TXLNB: variants seen among roughly 807,000 people sequenced by gnomAD.
TXLNB encodes the protein taxilin beta, also known as beta-taxilin.
Under a neutral mutation model 57.4 loss-of-function variants are expected in TXLNB, and 37 were observed. The observed-to-expected ratio is 0.64, with a 90% CI of 0.50 to 0.85. TXLNB has a LOEUF of 0.85. TXLNB is among the 40% of genes least tolerant of loss of function. The probability of loss-of-function intolerance (pLI) is 0.00; values close to 1 mark genes in which losing one functional copy is unlikely to be tolerated. For missense variants in TXLNB, 848 were observed against 825.6 expected, an observed-to-expected ratio of 1.03 and a Z score of -0.33; for synonymous variants, 302 against 309.6, an observed-to-expected ratio of 0.98 and a Z score of 0.26.
At chr6:139,276,524 G>C (rs1488361178) in intron 3 of TXLNB, among the ~76,000 whole-genome samples, 2 of 152,292 alleles carry the variant, frequency 1.3e-5, no homozygotes, top group East Asian at 3.9e-4. Flanking sequence ...ACTGGGATTG[G>C]GTGATATGGT....
chr6:139,292,080 G>GCA (rs754267593), upstream of TXLNB: 2,444 of 140,374 alleles, frequency 0.017, 50 homozygotes, highest in African/African-American at 0.061. This position sits in a 1 kb window ranked among gnomAD's most constrained non-coding sequence, Gnocchi z 4.0. Context: ...GTGCACGCAC[G>GCA]CGCGCGCACA....
At chr6:139,262,499 GT>G (rs755487706) in intron 5 of TXLNB, 79 bp downstream of exon 5, 91 of 1,290,256 alleles carry the variant, frequency 7.1e-5, no homozygotes, top group Non-Finnish European at 8.8e-5. Flanking sequence ...GGCTGTAACT[GT>G]CTTATTAACC....
At chr6:139,168,496 A>G in the TXLNB span, among the ~76,000 whole-genome samples, 1 of 149,816 alleles carries the variant, frequency 6.7e-6, no homozygotes, top group Non-Finnish European at 1.5e-5. Context: ...TTTCAAAGAC[A>G]TTTCCACATA....
chr6:139,217,878 A>AG, the TXLNB span, among the ~76,000 whole-genome samples: 1 of 151,974 alleles, frequency 6.6e-6, no homozygotes, highest in African/African-American at 2.4e-5. Flanking sequence ...AAAAAAAAAA[A>AG]AAAAAAAAAG....
chr6:139,253,953 G>A (rs1434093000), intron 7 of TXLNB, among the ~76,000 whole-genome samples: 1 of 152,090 alleles, frequency 6.6e-6, no homozygotes, highest in Non-Finnish European at 1.5e-5. Context: ...ATTCCTTGAG[G>A]TCACACCCCC....
chr6:139,243,519 G>A (rs965660615), intron 9 of TXLNB, among the ~76,000 whole-genome samples: 1 of 128,492 alleles, frequency 7.8e-6, no homozygotes, highest in Non-Finnish European at 1.6e-5. Context: ...TTGGCATTGT[G>A]TACTAGACTG....
chr6:139,167,301 A>G, the TXLNB span: 1 of 1,598,622 alleles, frequency 6.3e-7, no homozygotes, highest in Non-Finnish European at 8.6e-7. Context: ...GAGATCGAAT[A>G]TGATGTTCCT....
intron 2 of TXLNB, chr6:139,277,217 C>G (rs759722085): frequency 2.7e-5 from 7 of 260,980 alleles, no homozygotes; most frequent in African/African-American, 8.9e-5. Flanking sequence ...TATTTCTCCT[C>G]CCTGTATTCT....
chr6:139,242,584 G>A lies in TXLNB; in HGVS notation c.1997C>T (p.Ala666Val). The stretch of plus-strand genomic sequence containing the variant: ...GTTGCGCGGCTGGGGCCCAGCTGAG[G>A]CCCCTACTGGCAGCTCCTCTGCTGC... ...RAAAEELPVG[A>V]SAGPQPRNVA... Residue 666 changes from alanine (A) to valine (V), a missense_variant, in exon 10 of 10, where the codon GCC (alanine) becomes GTC (valine). By Grantham distance (64) the Ala-to-Val change is moderately conservative. Transcript: ENST00000358430. The A allele has an allele frequency of 6.5e-7, 1 of 1,536,778 alleles. No individual in the cohort carries two copies. The highest frequency in any genetic ancestry group is 8.7e-7 in the Non-Finnish European group (1 of 1,145,710).
chr6:139,210,953 C>T, the TXLNB span, among the ~76,000 whole-genome samples: 2 of 152,254 alleles, frequency 1.3e-5, no homozygotes, highest in African/African-American at 2.4e-5. Flanking sequence ...TGCCACTGCT[C>T]AGGCTTGAGT....
chr6:139,176,284 C>G, the TXLNB span, among the ~76,000 whole-genome samples: 1 of 152,168 alleles, frequency 6.6e-6, no homozygotes. This position sits in a 1 kb window ranked among gnomAD's most constrained non-coding sequence, Gnocchi z 4.5. Flanking sequence ...CTACCTACCT[C>G]CCAGGAGTAT....
the TXLNB span, among the ~76,000 whole-genome samples, chr6:139,297,340 A>G: frequency 6.6e-6 from 1 of 152,208 alleles, no homozygotes; most frequent in Non-Finnish European, 1.5e-5. Context: ...GAAATGACCT[A>G]TCCCTCCAAA....
intron 2 of TXLNB, 38 bp from the exon 3 acceptor site, chr6:139,276,959 T>C (rs953022480): frequency 3.3e-6 from 5 of 1,510,514 alleles, no homozygotes; most frequent in Non-Finnish European, 4.5e-6. Flanking sequence ...AAGTGTTGAA[T>C]TTACAGTCAG....
At chr6:139,199,960 T>G in the TXLNB span, 1 of 152,136 alleles carries the variant, frequency 6.6e-6, no homozygotes, top group East Asian at 1.9e-4. Context: ...GGAAGCAAAA[T>G]CATACCGGGG....
In TXLNB at chr6:139,270,509, T is replaced by C; in HGVS notation, c.634A>G (p.Ser212Gly). The change falls in exon 4 of 10, where the codon AGC (serine) becomes GGC (glycine). Residue 212 changes from serine to glycine, a missense_variant. Ser to Gly is a moderately conservative substitution (Grantham distance 56). Transcript: ENST00000358430. Reference protein sequence around the residue: ...GEHSRAILARSKLESLCRELQ... With the variant: ...GEHSRAILARGKLESLCRELQ... The stretch of plus-strand genomic sequence containing the variant: ...TCCCGGCACAGACTCTCCAATTTGC[T>C]TCGAGCGAGGATAGCTCTGCTGTGT... 6.2e-7 allele frequency: 1 copy of C among 1,614,232 alleles called. No individual in the cohort carries two copies. Among genetic ancestry groups the C allele is most frequent in the Non-Finnish European group, 8.5e-7 (1 of 1,180,038 alleles).
chr6:139,246,625 A>G (rs1319383261), intron 8 of TXLNB, among the ~76,000 whole-genome samples: 4 of 152,198 alleles, frequency 2.6e-5, no homozygotes, highest in Admixed American at 6.5e-5. Context: ...AGATTAAAAA[A>G]AATTAGAGGC....
chr6:139,251,440 T>C (rs1776202325), intron 7 of TXLNB: 1 of 152,224 alleles, frequency 6.6e-6, no homozygotes, highest in African/African-American at 2.4e-5. Flanking sequence ...ACTCTAACAC[T>C]CTCCTACTTA....
chr6:139,252,045 T>C (rs957286850), intron 7 of TXLNB, among the ~76,000 whole-genome samples: 15 of 152,224 alleles, frequency 9.9e-5, no homozygotes, highest in African/African-American at 3.6e-4. Context: ...CTCGATTTTG[T>C]AGTGACAATT....
chr6:139,222,666 C>T, the TXLNB span, among the ~76,000 whole-genome samples: 2 of 152,056 alleles, frequency 1.3e-5, no homozygotes, highest in Admixed American at 6.5e-5. Flanking sequence ...ATTAGCCGGG[C>T]CTGGTGGCAC....
Sources: gnomAD v4.1 joint callset for allele counts (sites outside exome capture counted in the v4.1 genomes callset) on GRCh38, gnomAD v4.1.1 for gene constraint, Gnocchi (gnomAD v3.1) non-coding constraint, MANE v1.5 for transcripts, NCBI Gene and HGNC (gene_info 2026-07-23, HGNC 2026-07-21) for gene names.